The following SSBP2 variants were observed in gnomAD, a reference collection of about 807,000 sequenced individuals.
The protein encoded by SSBP2 is single stranded DNA binding protein 2, also known as single-stranded DNA-binding protein 2.
SSBP2 carries 17 observed loss-of-function variants against 61.8 expected under a neutral mutation model. That is an observed-to-expected ratio of 0.28 (90% confidence interval 0.19 to 0.41). The LOEUF (loss-of-function observed/expected upper bound fraction) is 0.41, where lower values mean the gene tolerates loss of function less well. Among genes scored for constraint, SSBP2 ranks in the 10% least tolerant of loss-of-function variants. SSBP2 has a pLI of 1.00. For missense variants in SSBP2, 310 were observed against 458.7 expected, an observed-to-expected ratio of 0.68 and a Z score of 2.96; for synonymous variants, 139 against 141.3, an observed-to-expected ratio of 0.98 and a Z score of 0.12.
At chr5:81,675,526 C>T (rs1305000585) in intron 1 of SSBP2, among the ~76,000 whole-genome samples, 10 of 152,248 alleles carry the variant, frequency 6.6e-5, no homozygotes, top group Admixed American at 1.3e-4. Flanking sequence ...GACAGCTTCA[C>T]GAAACTGCCA....
rs1000788216 is a variant in SSBP2, at chr5:81,413,812, C to T, written c.*6692G>A. 7 of 152,092 alleles carry T rather than the reference C, an allele frequency of 4.6e-5. No homozygotes were observed. Among genetic ancestry groups the T allele is most frequent in the African/African-American group, 1.7e-4 (7 of 41,420 alleles). The allele number at this position is 152,092 out of a possible 1,614,324, so 9.4% of individuals were successfully genotyped here. On this transcript the variant is annotated 3_prime_UTR_variant, in exon 17 of 17. Transcript: ENST00000320672. Reference sequence around the variant, plus strand: ...TTGTTGTCAAATTATGGTAACTGTACAGATTATTTGAATTGTTTTTTAATA... The same window carrying T: ...TTGTTGTCAAATTATGGTAACTGTATAGATTATTTGAATTGTTTTTTAATA...
intron 1 of SSBP2, among the ~76,000 whole-genome samples, chr5:81,690,536 T>C (rs2153833462): frequency 6.6e-6 from 1 of 152,252 alleles, no homozygotes; most frequent in Non-Finnish European, 1.5e-5. Flanking sequence ...AATATAACAA[T>C]TGTAAATACA....
rs1761393238 is a variant in SSBP2 at position 81,418,097 on chromosome 5, T to C, written c.*2407A>G. The stretch of plus-strand genomic sequence containing the variant: ...GAGTCAACAAAATATTTGAAAATTC[T>C]AGCATTATAAGATTAAGCTTAATAA... On this transcript the variant is annotated 3_prime_UTR_variant, in exon 17 of 17. Transcript: ENST00000320672. 1 of 152,256 alleles carries C rather than the reference T, an allele frequency of 6.6e-6. No individual in the cohort carries two copies. Among genetic ancestry groups the C allele is most frequent in the South Asian group, 2.1e-4 (1 of 4,838 alleles). The allele number at this position is 152,256 out of a possible 1,614,324, so 9.4% of individuals were successfully genotyped here. A position where few individuals can be genotyped will look rare whatever the true frequency, so the allele number is the denominator to read the frequency against.
At chr5:81,691,954 C>T (rs925063377) in intron 1 of SSBP2, among the ~76,000 whole-genome samples, 1 of 152,148 alleles carries the variant, frequency 6.6e-6, no homozygotes, top group Non-Finnish European at 1.5e-5. Context: ...TGGAACTCAA[C>T]AAGGATGCCC....
chr5:81,624,523 A>G (rs1193996992), intron 3 of SSBP2, among the ~76,000 whole-genome samples: 2 of 152,160 alleles, frequency 1.3e-5, no homozygotes, highest in African/African-American at 4.8e-5. Context: ...TCTAATAAGC[A>G]TTTCCTTTGA....
At chr5:81,493,396 C>T (rs1280542517) in intron 5 of SSBP2, among the ~76,000 whole-genome samples, 2 of 151,782 alleles carry the variant, frequency 1.3e-5, no homozygotes. Flanking sequence ...GTAATCCTTC[C>T]ACCTCAGCCT....
chr5:81,460,203 T>C (rs1233604098), intron 10 of SSBP2, among the ~76,000 whole-genome samples: 5 of 152,274 alleles, frequency 3.3e-5, no homozygotes, highest in Admixed American at 6.5e-5. Context: ...TTTGTACATA[T>C]TAGCAAAAAG....
chr5:81,434,244 A>T (rs1394451250), intron 15 of SSBP2, among the ~76,000 whole-genome samples: 1 of 152,210 alleles, frequency 6.6e-6, no homozygotes, highest in Non-Finnish European at 1.5e-5. Context: ...ACTTATACAC[A>T]ACATTTAAAA....
rs377097879 is a variant in SSBP2, at chr5:81,695,049, A to G, written c.63-44710T>C. ...CAAATAACCAGGTCTAAACCTTGCA[A>G]TGTAGCTTCAATTACAGATAATGTT... is the stretch of plus-strand genomic sequence containing the variant. On this transcript the variant is annotated intron_variant, in intron 1 of 16. Transcript: ENST00000320672. Among the ~76,000 whole-genome samples, 18 of 152,318 alleles carry G rather than the reference A, an allele frequency of 1.2e-4. No homozygotes were observed. The East Asian group carries it at 1.5e-3, about 13-fold the overall frequency.
chr5:81,506,353 C>T (rs541200633), intron 5 of SSBP2, among the ~76,000 whole-genome samples: 136 of 152,132 alleles, frequency 8.9e-4, no homozygotes, highest in Non-Finnish European at 1.3e-3. Context: ...CTATTTCTAA[C>T]GTCTGAATTT....
At chr5:81,694,214 T>C (rs1753431567) in intron 1 of SSBP2, among the ~76,000 whole-genome samples, 2 of 152,172 alleles carry the variant, frequency 1.3e-5, no homozygotes, top group Admixed American at 1.3e-4. Flanking sequence ...GGATGGTTAG[T>C]GGGTACAAAA....
chr5:81,641,504 T>C (rs1455843963), intron 2 of SSBP2, among the ~76,000 whole-genome samples: 1 of 152,214 alleles, frequency 6.6e-6, no homozygotes, highest in African/African-American at 2.4e-5. Flanking sequence ...CACCCTTTTA[T>C]AGTTATTGAA....
chr5:81,491,700 G>A (rs1561463819), intron 5 of SSBP2, among the ~76,000 whole-genome samples: 2 of 151,874 alleles, frequency 1.3e-5, no homozygotes, highest in African/African-American at 4.8e-5. Flanking sequence ...AAATTTGTAT[G>A]TTTTTTTGGA....
chr5:81,588,446 A>G (rs892958148), intron 4 of SSBP2, among the ~76,000 whole-genome samples: 1 of 152,090 alleles, frequency 6.6e-6, no homozygotes, highest in Non-Finnish European at 1.5e-5. Flanking sequence ...TTTAAAGCAT[A>G]TGTTCTTGCC....
chr5:81,692,682 G>A (rs1384268310), intron 1 of SSBP2, among the ~76,000 whole-genome samples: 1 of 152,066 alleles, frequency 6.6e-6, no homozygotes, highest in African/African-American at 2.4e-5. Context: ...AAACAGAAAA[G>A]AGAACACAGA....
chr5:81,635,257 T>C (rs2153669432), intron 3 of SSBP2, among the ~76,000 whole-genome samples: 1 of 152,326 alleles, frequency 6.6e-6, no homozygotes, highest in South Asian at 2.1e-4. Context: ...TCAGTATCTG[T>C]TGAGCACTGT....
Position 81,415,511 on chromosome 5 carries a change from TG to T in SSBP2, c.*4992del, listed in dbSNP as rs1339930365. 1 of 152,188 alleles carries T rather than the reference TG, an allele frequency of 6.6e-6. No homozygotes were observed. The highest frequency in any genetic ancestry group is 1.5e-5 in the Non-Finnish European group (1 of 68,030). 9.4% of individuals were successfully genotyped at this position (152,188 alleles called of 1,614,324 possible). On this transcript the variant is annotated 3_prime_UTR_variant, in exon 17 of 17. Transcript: ENST00000320672. ...TTATTGTTGTATTATTGGTTTTTAT[TG>T]TTATAAAAATTTTTTCCAATATTTT...
rs1752770477 is a variant in SSBP2 at position 81,686,342 on chromosome 5, A to G, written c.63-36003T>C. Among the ~76,000 whole-genome samples the G allele has an allele frequency of 3.9e-5, 6 of 152,234 alleles. No homozygotes were observed. The South Asian group carries it at 1.2e-3, about 31-fold the overall frequency. ...GTAAATTTACTGAATAAAATGTAAT[A>G]TTTACTAAATTAATGGCCCTTTAAC... On this transcript the variant is annotated intron_variant, in intron 1 of 16. Transcript: ENST00000320672.
At chr5:81,659,492 A>C (rs1750505519) in intron 1 of SSBP2, among the ~76,000 whole-genome samples, 1 of 152,196 alleles carries the variant, frequency 6.6e-6, no homozygotes, top group African/African-American at 2.4e-5. Flanking sequence ...GAGAACTACA[A>C]ACCACTACTC....
Sources: gnomAD v4.1 joint callset for allele counts (sites outside exome capture counted in the v4.1 genomes callset) on GRCh38, gnomAD v4.1.1 for gene constraint, MANE v1.5 for transcripts, NCBI Gene and HGNC (gene_info 2026-07-23, HGNC 2026-07-21) for gene names.